Variants in TACC3 observed in about 807,000 individuals in gnomAD.
TACC3 encodes the protein transforming acidic coiled-coil-containing protein 3.
Under a neutral mutation model 86.0 loss-of-function variants are expected in TACC3, and 52 were observed. The ratio of observed to expected loss-of-function variants is 0.60; its 90% CI spans 0.48 to 0.76. TACC3 has a LOEUF of 0.76. Among genes scored for constraint, TACC3 ranks in the 30% least tolerant of loss-of-function variants. The pLI is 0.00. For missense variants in TACC3, 1,120 were observed against 1,070.4 expected (o/e 1.05, Z -0.65); for synonymous variants, 512 against 430.0 (o/e 1.19, Z -2.36).
chr4:1,742,567 G>T (rs577723389), intron 13 of TACC3, among the ~76,000 whole-genome samples: 1 of 152,222 alleles, frequency 6.6e-6, no homozygotes, highest in Non-Finnish European at 1.5e-5. Flanking sequence ...TCGGGAGACC[G>T]AGACGGGTGG....
chr4:1,723,037 G>T, intron 1 of TACC3: 1 of 189,506 alleles, frequency 5.3e-6, no homozygotes, highest in Non-Finnish European at 1.1e-5. Flanking sequence ...GGCTTCCTCT[G>T]GCTCATCCGG....
At chr4:1,737,411 T>C in intron 9 of TACC3, 83 bp downstream of exon 9, 1 of 1,391,292 alleles carries the variant, frequency 7.2e-7, no homozygotes, top group Non-Finnish European at 1.0e-6. Context: ...TTTCTATTCC[T>C]GGGGGTCTGA....
At chr4:1,737,016 G>T (rs567767485) in intron 8 of TACC3, among the ~76,000 whole-genome samples, 46 of 152,182 alleles carry the variant, frequency 3.0e-4, no homozygotes, top group Non-Finnish European at 4.1e-4. Flanking sequence ...GTGCTCTCCC[G>T]GAAGGACAAG....
chr4:1,740,348 G>C (rs1416870680), intron 12 of TACC3: 2 of 441,568 alleles, frequency 4.5e-6, no homozygotes, highest in Admixed American at 3.9e-5. Flanking sequence ...AGCAGCCTCT[G>C]TAGGTGTCTG....
In TACC3 at chr4:1,738,854, A is replaced by ACTCAAGGT. The variant is rs530824493; in HGVS notation, c.1942-847_1942-840dup. Among the ~76,000 whole-genome samples, 521 of 152,200 alleles carry ACTCAAGGT rather than the reference A, an allele frequency of 3.4e-3. 2 individuals are homozygous for ACTCAAGGT. The highest frequency in any genetic ancestry group is 5.9e-3 in the Non-Finnish European group (401 of 67,996). Reference sequence around the variant, plus strand: ...CGGGAAGGACGGTTAGGAACAGGTAACTCAAGGTGACTTAGGTCAGAGCAG... The same window carrying ACTCAAGGT: ...CGGGAAGGACGGTTAGGAACAGGTAACTCAAGGTCTCAAGGTGACTTAGGTCAGAGCAG... On this transcript the variant is annotated intron_variant, in intron 10 of 15. Transcript: ENST00000313288.
At position 1,739,978 on chromosome 4, in the gene TACC3, G is replaced by C; in HGVS notation, c.2038G>C (p.Glu680Gln). The stretch of plus-strand genomic sequence containing the variant: ...CCACAGGAAGATCATGGACAGGTTC[G>C]AAGAGGTTGTGTACCAGGCCATGGG... ...LELGKIMDRF[E>Q]EVVYQAMEEV... The change falls in exon 12 of 16, where the codon GAA becomes CAA. Residue 680 changes from glutamate (E) to glutamine (Q), a missense_variant. By Grantham distance (29) the Glu-to-Gln change is conservative (BLOSUM62 2). Transcript: ENST00000313288. The C allele has an allele frequency of 1.9e-6, 3 of 1,613,106 alleles. No individual in the cohort carries two copies. Among genetic ancestry groups the C allele is most frequent in the Non-Finnish European group, 2.5e-6 (3 of 1,180,006 alleles).
chr4:1,732,705 T>A (rs1293141666), intron 6 of TACC3, among the ~76,000 whole-genome samples: 1 of 152,234 alleles, frequency 6.6e-6, no homozygotes, highest in African/African-American at 2.4e-5. Flanking sequence ...GCAGGATCCC[T>A]GGAATCACAC....
intron 10 of TACC3, chr4:1,737,968 C>T: frequency 5.4e-6 from 3 of 556,660 alleles, no homozygotes. Context: ...TGGCGTTGGC[C>T]TCTGGTGGCC....
At position 1,737,635 on chromosome 4, in the gene TACC3, G is replaced by A; in HGVS notation, c.1874G>A (p.Gly625Asp). ...CCCCCAGGTGTTCCCGCGCCTGGGG[G>A]CCCACCCCTGTCCACCGGACCTATA... ...GPPPGVPAPG[G>D]PPLSTGPIVD... Residue 625 changes from glycine (G) to aspartate (D), a missense_variant, in exon 10 of 16, where the codon GGC (glycine) becomes GAC (aspartate). By Grantham distance (94) the Gly-to-Asp change is moderately conservative. Coordinates refer to ENST00000313288, the MANE Select transcript of TACC3 (RefSeq NM_006342.3). The A allele has an allele frequency of 1.3e-6, 2 of 1,538,174 alleles. No individual in the cohort carries two copies. The highest frequency in any genetic ancestry group is 1.2e-5 in the South Asian group (1 of 82,804).
chr4:1,739,457 T>G (rs1173129004), intron 10 of TACC3: 1 of 569,048 alleles, frequency 1.8e-6, no homozygotes, highest in Non-Finnish European at 3.1e-6. Flanking sequence ...GGGTGCCTGC[T>G]GGTTCCACCC....
chr4:1,729,338 A>C (rs916957856), intron 4 of TACC3, among the ~76,000 whole-genome samples: 1 of 152,088 alleles, frequency 6.6e-6, no homozygotes, highest in Admixed American at 6.6e-5. Flanking sequence ...ACAAATAAAG[A>C]CACAAGAAAA....
At position 1,744,510 on chromosome 4, in the gene TACC3, C is replaced by T. The variant is rs769573139; in HGVS notation, c.2224-8C>T. The T allele has an allele frequency of 6.2e-6, 10 of 1,611,818 alleles. No homozygotes were observed. Among genetic ancestry groups the T allele is most frequent in the Middle Eastern group, 1.7e-4 (1 of 6,048 alleles). On this transcript the variant is annotated splice_polypyrimidine_tract_variant and splice_region_variant and intron_variant, in intron 13 of 15. Coordinates refer to ENST00000313288, the MANE Select transcript of TACC3 (RefSeq NM_006342.3). ...TGGTACCCACAGCTAATGCCTGCCCCTTCCTAGAACGAAGAGTCACTGAAG... is the reference window on the plus strand; with the variant it reads ...TGGTACCCACAGCTAATGCCTGCCCTTTCCTAGAACGAAGAGTCACTGAAG...
Position 1,744,409 on chromosome 4 carries a change from C to T in TACC3, c.2224-109C>T, listed in dbSNP as rs542293560. 5.7e-5 allele frequency: 58 copies of T among 1,016,260 alleles called. 1 individual carries two copies. The South Asian group carries it at 6.1e-4, about 11-fold the overall frequency. The allele number at this position is 1,016,260 out of a possible 1,614,324, so 63.0% of individuals were successfully genotyped here. ...AAGGAAAACGGGAGCTACTGGCTCA[C>T]GGCTGATGCCCCAGACAGCCTCGAG... On this transcript the variant is annotated intron_variant, in intron 13 of 15. Coordinates refer to ENST00000313288, the MANE Select transcript of TACC3 (RefSeq NM_006342.3).
intron 3 of TACC3, among the ~76,000 whole-genome samples, chr4:1,725,212 A>G (rs1717626850): frequency 6.6e-6 from 1 of 151,004 alleles, no homozygotes; most frequent in African/African-American, 2.4e-5. Context: ...GATTACAGGC[A>G]TGAGCCACCA....
intron 9 of TACC3, 22 bp from the exon 10 acceptor site, chr4:1,737,576 G>GT: frequency 6.7e-7 from 1 of 1,484,802 alleles, no homozygotes; most frequent in Non-Finnish European, 9.0e-7. Flanking sequence ...ATGGGTTCCT[G>GT]TTTCATCCCC....
chr4:1,745,065 C>T lies in TACC3; in HGVS notation c.*52C>T, dbSNP rs1227563754. On this transcript the variant is annotated 3_prime_UTR_variant, in exon 16 of 16. Transcript: ENST00000313288. ...CCCTGCTCCCGTCTGTCTGTCCTGT[C>T]TGATTCTCTTAGGTGTCATGTTCTT... is the stretch of plus-strand genomic sequence containing the variant. 3 of 1,544,026 alleles carry T rather than the reference C, an allele frequency of 1.9e-6. No homozygotes were observed. In the African/African-American group the frequency reaches 4.1e-5, roughly 21 times the overall value.
chr4:1,739,158 A>G (rs1223048827), intron 10 of TACC3, among the ~76,000 whole-genome samples: 7 of 152,050 alleles, frequency 4.6e-5, no homozygotes, highest in African/African-American at 1.7e-4. Context: ...AAATACAAAA[A>G]TTAGCCGGGC....
At chr4:1,723,151 C>T (rs1717500753) in intron 1 of TACC3, 1 of 481,832 alleles carries the variant, frequency 2.1e-6, no homozygotes, top group African/African-American at 2.0e-5. Flanking sequence ...ACCATCTCAG[C>T]CTGAAGGCCC....
At position 1,725,768 on chromosome 4, in the gene TACC3, G is replaced by C. The variant is rs150058507; in HGVS notation, c.305+1898G>C. 4.5e-3 allele frequency among the ~76,000 whole-genome samples: 687 copies of C among 152,348 alleles called. 4 individuals carry two copies. The highest frequency in any genetic ancestry group is 0.016 in the African/African-American group (663 of 41,594). The stretch of plus-strand genomic sequence containing the variant: ...CTTTCTGGAACTCTGCTGAGGCCCA[G>C]GTGGTGGTCACTGTGGTGCTCCCAC... On this transcript the variant is annotated intron_variant, in intron 3 of 15. Coordinates refer to ENST00000313288, the MANE Select transcript of TACC3 (RefSeq NM_006342.3).
Sources: allele counts gnomAD v4.1 joint callset (sites outside exome capture counted in the v4.1 genomes callset), GRCh38; gene constraint gnomAD v4.1.1; transcripts MANE v1.5; gene names NCBI Gene and HGNC (gene_info 2026-07-23, HGNC 2026-07-21).